CSMD1: variants seen among roughly 807,000 people sequenced by gnomAD.
CSMD1 encodes the protein CUB and sushi domain-containing protein 1.
CSMD1 carries 213 observed loss-of-function variants against 417.5 expected under a neutral mutation model. The observed-to-expected ratio is 0.51, with a 90% CI of 0.46 to 0.57. The LOEUF is 0.57. Ranked by LOEUF, CSMD1 falls within the 20% of genes least tolerant of loss-of-function variation. CSMD1 has a pLI of 0.00. For synonymous variants in CSMD1, 2,862 were observed against 1,736.8 expected (o/e 1.65, Z -16.11); for missense variants, 6,923 against 4,529.7 (o/e 1.53, Z -15.17).
intron 1 of CSMD1, among the ~76,000 whole-genome samples, chr8:4,804,997 A>G (rs568101205): frequency 6.6e-6 from 1 of 152,322 alleles, no homozygotes; most frequent in Non-Finnish European, 1.5e-5. Context: ...ACATAGGATT[A>G]ATTTAAATCT....
intron 5 of CSMD1, among the ~76,000 whole-genome samples, chr8:3,816,984 G>T (rs946345637): frequency 4.6e-5 from 7 of 152,078 alleles, no homozygotes; most frequent in African/African-American, 1.4e-4. Context: ...TGATTAAACA[G>T]GTTCGAACAA....
intron 3 of CSMD1, among the ~76,000 whole-genome samples, chr8:4,301,977 C>G (rs911905988): frequency 1.7e-4 from 26 of 152,138 alleles, no homozygotes; most frequent in African/African-American, 6.3e-4. Context: ...CAAACTAGAT[C>G]CTGTTCAGAT....
chr8:4,754,462 C>G (rs1390994989), intron 1 of CSMD1, among the ~76,000 whole-genome samples: 4 of 152,050 alleles, frequency 2.6e-5, no homozygotes, highest in Admixed American at 1.3e-4. Context: ...AAATTAGCAT[C>G]TGTGTCATGC....
intron 34 of CSMD1, among the ~76,000 whole-genome samples, 152 bp downstream of exon 34, chr8:3,189,760 G>C (rs555250807): frequency 1.9e-4 from 26 of 137,450 alleles, no homozygotes; most frequent in Admixed American, 1.7e-3. Flanking sequence ...TTAGGGTTTG[G>C]CTACTAACTC....
At chr8:4,916,743 G>C (rs973681519) in intron 1 of CSMD1, among the ~76,000 whole-genome samples, 6 of 152,162 alleles carry the variant, frequency 3.9e-5, no homozygotes, top group Non-Finnish European at 7.3e-5. Context: ...AGAATAAATA[G>C]GTATCAAGGT....
chr8:4,215,507 GTTT>G (rs59039032), intron 3 of CSMD1, among the ~76,000 whole-genome samples: 85 of 151,178 alleles, frequency 5.6e-4, no homozygotes, highest in Non-Finnish European at 8.7e-4. Context: ...TACATAGAGA[GTTT>G]TTTTTTTTTC....
chr8:4,889,943 G>C (rs1012568920), intron 1 of CSMD1, among the ~76,000 whole-genome samples: 1 of 152,090 alleles, frequency 6.6e-6, no homozygotes, highest in Non-Finnish European at 1.5e-5. Flanking sequence ...TTTACAGCCA[G>C]AATGTATGAC....
intron 3 of CSMD1, among the ~76,000 whole-genome samples, chr8:4,416,730 C>G (rs578061905): frequency 2.0e-5 from 3 of 152,076 alleles, no homozygotes. Context: ...GTCCTCAAGT[C>G]TAATATGTGT....
intron 1 of CSMD1, among the ~76,000 whole-genome samples, chr8:4,892,710 A>G (rs1286628506): frequency 6.6e-6 from 1 of 152,036 alleles, no homozygotes; most frequent in African/African-American, 2.4e-5. Flanking sequence ...ATTTACTGAT[A>G]TATTGCTTTT....
At chr8:4,737,863 C>G (rs1199968653) in intron 1 of CSMD1, among the ~76,000 whole-genome samples, 1 of 152,082 alleles carries the variant, frequency 6.6e-6, no homozygotes, top group Non-Finnish European at 1.5e-5. Context: ...TATTGCAACC[C>G]ACAACAACAA....
intron 7 of CSMD1, among the ~76,000 whole-genome samples, chr8:3,640,143 A>T (rs1382054646): frequency 6.6e-6 from 1 of 152,210 alleles, no homozygotes; most frequent in Admixed American, 6.5e-5. Flanking sequence ...TTTCTTGCGT[A>T]AGACTTCGCT....
intron 8 of CSMD1, among the ~76,000 whole-genome samples, chr8:3,614,833 G>A (rs1802059504): frequency 1.3e-5 from 2 of 152,126 alleles, no homozygotes; most frequent in South Asian, 4.1e-4. Flanking sequence ...GCTTAAGACA[G>A]GTGAGAAAAC....
At chr8:3,462,579 G>C (rs1307214732) in intron 12 of CSMD1, among the ~76,000 whole-genome samples, 1 of 152,162 alleles carries the variant, frequency 6.6e-6, no homozygotes, top group African/African-American at 2.4e-5. Context: ...ACCCAGATGG[G>C]ACTGTCTAGT....
At chr8:3,651,577 A>G (rs1421661396) in intron 7 of CSMD1, among the ~76,000 whole-genome samples, 1 of 152,096 alleles carries the variant, frequency 6.6e-6, no homozygotes, top group African/African-American at 2.4e-5. Context: ...CACCACATCT[A>G]GAACACTAGA....
At chr8:4,220,667 C>G (rs1800975436) in intron 3 of CSMD1, among the ~76,000 whole-genome samples, 1 of 152,050 alleles carries the variant, frequency 6.6e-6, no homozygotes, top group East Asian at 1.9e-4. Context: ...GATGGCTTAG[C>G]AAAAGAAGGA....
chr8:4,283,368 T>C (rs1215125515), intron 3 of CSMD1, among the ~76,000 whole-genome samples: 2 of 152,232 alleles, frequency 1.3e-5, no homozygotes, highest in Non-Finnish European at 2.9e-5. Context: ...CTTTGCCATC[T>C]GAAAAGGGTA....
intron 1 of CSMD1, among the ~76,000 whole-genome samples, chr8:4,925,675 T>C (rs1033365582): frequency 2.6e-5 from 4 of 152,000 alleles, no homozygotes; most frequent in African/African-American, 9.7e-5. Context: ...GCCTCCCAAG[T>C]AGCTGGGACT....
At chr8:3,956,705 A>C (rs80152443) in intron 5 of CSMD1, among the ~76,000 whole-genome samples, 2,226 of 152,206 alleles carry the variant, frequency 0.015, 58 homozygotes, top group African/African-American at 0.052. Flanking sequence ...CTATATTTGA[A>C]ACCCTACTCT....
chr8:3,855,173 T>G (rs1033821694), intron 5 of CSMD1, among the ~76,000 whole-genome samples: 1 of 152,176 alleles, frequency 6.6e-6, no homozygotes, highest in Non-Finnish European at 1.5e-5. Context: ...CAAATTACTT[T>G]CAATATAACA....
Sources: allele counts gnomAD v4.1 joint callset (sites outside exome capture counted in the v4.1 genomes callset), GRCh38; gene constraint gnomAD v4.1.1; transcripts MANE v1.5; gene names NCBI Gene and HGNC (gene_info 2026-07-23, HGNC 2026-07-21).